Variants in PDE3A observed in about 807,000 individuals in gnomAD.
PDE3A encodes the protein phosphodiesterase 3A.
In PDE3A, 43 loss-of-function variants were observed where a neutral mutation model predicts 98.3. The ratio of observed to expected loss-of-function variants is 0.44; its 90% CI spans 0.34 to 0.56. PDE3A has a LOEUF of 0.56. Among genes scored for constraint, PDE3A ranks in the 20% least tolerant of loss-of-function variants. PDE3A has a pLI of 0.01. For synonymous variants in PDE3A, 663 were observed against 567.9 expected, an observed-to-expected ratio of 1.17 and a Z score of -2.38; for missense variants, 1,427 against 1,440.7, an observed-to-expected ratio of 0.99 and a Z score of 0.15.
At chr12:20,458,285 G>A (rs1945187341) in intron 1 of PDE3A, among the ~76,000 whole-genome samples, 1 of 151,494 alleles carries the variant, frequency 6.6e-6, no homozygotes, top group Admixed American at 6.6e-5. Context: ...TCTATCTGAT[G>A]TAGTATTGAG....
intron 1 of PDE3A, among the ~76,000 whole-genome samples, chr12:20,520,551 TC>T: frequency 6.6e-6 from 1 of 152,222 alleles, no homozygotes; most frequent in East Asian, 1.9e-4. Context: ...ATTTCTTATG[TC>T]TGCCAGTAGA....
At chr12:20,510,460 T>C (rs964616042) in intron 1 of PDE3A, among the ~76,000 whole-genome samples, 1 of 151,588 alleles carries the variant, frequency 6.6e-6, no homozygotes, top group South Asian at 2.1e-4. Context: ...TGAAGAAAAA[T>C]AGAAAAAGAG....
chr12:20,654,660 C>CTTT (rs71442265), intron 15 of PDE3A, among the ~76,000 whole-genome samples: 46 of 85,858 alleles, frequency 5.4e-4, no homozygotes, highest in African/African-American at 1.2e-3. Context: ...CTACACCCGG[C>CTTT]TTTTTTTTTT....
At chr12:20,505,415 A>G (rs1178550564) in intron 1 of PDE3A, among the ~76,000 whole-genome samples, 1 of 152,066 alleles carries the variant, frequency 6.6e-6, no homozygotes, top group East Asian at 1.9e-4. Context: ...GTAAGATCAC[A>G]ATGAAAAATG....
At chr12:20,398,562 G>C (rs947210062) in intron 1 of PDE3A, among the ~76,000 whole-genome samples, 1 of 151,926 alleles carries the variant, frequency 6.6e-6, no homozygotes, top group Non-Finnish European at 1.5e-5. Flanking sequence ...TGGTTTCTCT[G>C]TATTCTGTAA....
At position 20,683,281 on chromosome 12, in the gene PDE3A, C is replaced by G. The variant is rs1945846550; in HGVS notation, c.*3010C>G. On this transcript the variant is annotated 3_prime_UTR_variant, in exon 16 of 16. Coordinates refer to ENST00000359062, the MANE Select transcript of PDE3A (RefSeq NM_000921.5). ...AATATTATTATGTTCACATCTAACT[C>G]CAGAGCTTACTTCCTGTGGTGCCAA... 6.6e-6 allele frequency: 1 copy of G among 152,116 alleles called. No individual in the cohort carries two copies. The highest frequency in any genetic ancestry group is 2.4e-5 in the African/African-American group (1 of 41,428). 9.4% of individuals were successfully genotyped at this position (152,116 alleles called of 1,614,324 possible).
At chr12:20,386,102 T>TATATATAAAAATATATATCA (rs1565532520) in intron 1 of PDE3A, among the ~76,000 whole-genome samples, 1 of 14,624 alleles carries the variant, frequency 6.8e-5, no homozygotes, top group Non-Finnish European at 1.5e-4. Flanking sequence ...TATATATAAA[T>TATATATAAAAATATATATCA]ATATATATAA....
In PDE3A at chr12:20,686,427, T is replaced by G. The variant is rs1945964520; in HGVS notation, c.*6156T>G. On this transcript the variant is annotated 3_prime_UTR_variant, in exon 16 of 16. Coordinates refer to ENST00000359062, the MANE Select transcript of PDE3A (RefSeq NM_000921.5). Reference sequence around the variant, plus strand: ...AAATTAAACCTTACTAATCTTGACTTTCACAGATGAAACACTGACCAGTCA... The same window carrying G: ...AAATTAAACCTTACTAATCTTGACTGTCACAGATGAAACACTGACCAGTCA... 6.6e-6 allele frequency among the ~76,000 whole-genome samples: 1 copy of G among 152,162 alleles called. No individual in the cohort carries two copies. The highest frequency in any genetic ancestry group is 2.1e-4 in the South Asian group (1 of 4,824).
chr12:20,562,282 G>A (rs143412587), intron 2 of PDE3A, among the ~76,000 whole-genome samples: 3,557 of 147,690 alleles, frequency 0.024, 134 homozygotes, highest in African/African-American at 0.084. Flanking sequence ...GTGCAGTGGT[G>A]CGATCTCAGC....
At position 20,395,557 on chromosome 12, in the gene PDE3A, A is replaced by AT. The variant is rs1565535721; in HGVS notation, c.960+25314dup. On this transcript the variant is annotated intron_variant, in intron 1 of 15. Coordinates refer to ENST00000359062, the MANE Select transcript of PDE3A (RefSeq NM_000921.5). ...TATAATATGTATACTATGTGTACAC[A>AT]TAGTATATATATACATAGTATTATA... Among the ~76,000 whole-genome samples, 10 of 146,692 alleles carry AT rather than the reference A, an allele frequency of 6.8e-5. No homozygotes were observed. In the East Asian group the frequency reaches 7.9e-4, roughly 12 times the overall value.
At chr12:20,472,180 G>A (rs953284647) in intron 1 of PDE3A, among the ~76,000 whole-genome samples, 1 of 152,118 alleles carries the variant, frequency 6.6e-6, no homozygotes, top group African/African-American at 2.4e-5. Context: ...TTTTCAACAT[G>A]TTTCCTAGGA....
chr12:20,519,996 C>T (rs944839398), intron 1 of PDE3A, among the ~76,000 whole-genome samples: 2 of 152,080 alleles, frequency 1.3e-5, no homozygotes, highest in Non-Finnish European at 1.5e-5. Context: ...GCAGCTGATT[C>T]GGATTTAAAG....
intron 10 of PDE3A, among the ~76,000 whole-genome samples, chr12:20,640,413 A>C (rs1444822626): frequency 6.6e-6 from 1 of 152,136 alleles, no homozygotes. Flanking sequence ...TGGCATCTGA[A>C]GAGTTAAGTC....
intron 13 of PDE3A, among the ~76,000 whole-genome samples, chr12:20,649,100 ATT>A (rs57663785): frequency 0.44 from 65,252 of 149,064 alleles, 14,614 homozygotes; most frequent in East Asian, 0.54. Flanking sequence ...TAATTTTTGT[ATT>A]TTTTTTTTTT....
chr12:20,371,450 G>T, intron 1 of PDE3A: 1 of 982,504 alleles, frequency 1.0e-6, no homozygotes, highest in Non-Finnish European at 1.2e-6. Flanking sequence ...ACAACTTTAG[G>T]GAGCAAGAGA....
intron 1 of PDE3A, among the ~76,000 whole-genome samples, chr12:20,472,197 A>G (rs1945450870): frequency 6.6e-6 from 1 of 152,272 alleles, no homozygotes; most frequent in Admixed American, 6.5e-5. Context: ...AGGACACTGG[A>G]TAGGAAAAGA....
chr12:20,515,771 C>T (rs1946308979), intron 1 of PDE3A, among the ~76,000 whole-genome samples: 1 of 150,640 alleles, frequency 6.6e-6, no homozygotes, highest in Non-Finnish European at 1.5e-5. Flanking sequence ...CTCGCTCTGT[C>T]GCCCAGGCTG....
At position 20,626,288 on chromosome 12, in the gene PDE3A, C is replaced by G. The variant is rs546703728; in HGVS notation, c.1541-3620C>G. 1.0e-3 allele frequency among the ~76,000 whole-genome samples: 148 copies of G among 146,848 alleles called. 6 individuals are homozygous for G. The highest frequency in any genetic ancestry group is 1.1e-3 in the Non-Finnish European group (72 of 67,880). On this transcript the variant is annotated intron_variant, in intron 5 of 15. Transcript: ENST00000359062. ...CTATCTTTTTGAAGACCGATACGGT[C>G]TTCAAAATATGCATGCACATCCTAA...
intron 1 of PDE3A, among the ~76,000 whole-genome samples, chr12:20,544,086 A>G (rs1565583687): frequency 6.6e-6 from 1 of 151,658 alleles, no homozygotes; most frequent in Admixed American, 6.6e-5. Context: ...AGGTACTTCA[A>G]GACTCCTGTG....
Sources: allele counts gnomAD v4.1 joint callset (sites outside exome capture counted in the v4.1 genomes callset), GRCh38; gene constraint gnomAD v4.1.1; transcripts MANE v1.5; gene names NCBI Gene and HGNC (gene_info 2026-07-23, HGNC 2026-07-21).